LAMA3: variants seen among roughly 807,000 people sequenced by gnomAD.
The protein encoded by LAMA3 is laminin subunit alpha-3.
LAMA3 carries 281 observed loss-of-function variants against 402.0 expected under a neutral mutation model. The ratio of observed to expected loss-of-function variants is 0.70; its 90% CI spans 0.63 to 0.77. The LOEUF is 0.77. LAMA3 is among the 30% of genes least tolerant of loss of function. The pLI is 0.00. For synonymous variants in LAMA3, 1,431 were observed against 1,558.4 expected, an observed-to-expected ratio of 0.92 and a Z score of 1.93; for missense variants, 3,840 against 4,215.5, an observed-to-expected ratio of 0.91 and a Z score of 2.47.
At chr18:23,727,307 T>G (rs571372315) in intron 2 of LAMA3, among the ~76,000 whole-genome samples, 2 of 25,636 alleles carry the variant, frequency 7.8e-5, no homozygotes, top group African/African-American at 2.4e-4. Context: ...CTGTCCTTGT[T>G]TGATTGATTG....
intron 18 of LAMA3, among the ~76,000 whole-genome samples, chr18:23,819,557 C>A (rs2063242779): frequency 6.6e-6 from 1 of 152,142 alleles, no homozygotes. Context: ...TTGTTGGCAA[C>A]TATTTAGAAC....
chr18:23,928,263 G>A (rs757994772), intron 63 of LAMA3, 23 bp downstream of exon 63: 15 of 1,448,206 alleles, frequency 1.0e-5, no homozygotes, highest in Admixed American at 6.7e-5. Context: ...TCAGAACCTC[G>A]TGAAGGAGTG....
At position 23,899,374 on chromosome 18, in the gene LAMA3, C is replaced by T. The variant is rs141645580; in HGVS notation, c.5923C>T (p.Arg1975Cys). 7.7e-5 allele frequency: 125 copies of T among 1,613,886 alleles called. No homozygotes were observed. The East Asian group carries it at 2.5e-3, about 32-fold the overall frequency. The part of the protein sequence containing the change: ...DFSREWAEAQ[R>C]MMRELRNRNF... Reference sequence around the variant, plus strand: ...TTCCAGAGAGTGGGCTGAAGCCCAGCGCATGATGAGGGAACTGCGGAACAG... The same window carrying T: ...TTCCAGAGAGTGGGCTGAAGCCCAGTGCATGATGAGGGAACTGCGGAACAG... The change falls in exon 47 of 75, where the codon CGC (arginine) becomes TGC (cysteine). Residue 1975 changes from arginine (R) to cysteine (C), a missense_variant. Physicochemically the swap from Arg to Cys is radical, Grantham distance 180 (BLOSUM62 -3). Transcript: ENST00000313654.
At chr18:23,851,596 A>G (rs2063946095) in intron 32 of LAMA3, among the ~76,000 whole-genome samples, 1 of 152,110 alleles carries the variant, frequency 6.6e-6, no homozygotes, top group South Asian at 2.1e-4. Flanking sequence ...TGTTGTGGTT[A>G]TTTGCCAAGG....
intron 8 of LAMA3, among the ~76,000 whole-genome samples, chr18:23,769,239 A>G (rs1757580873): frequency 6.6e-6 from 1 of 152,184 alleles, no homozygotes; most frequent in African/African-American, 2.4e-5. Flanking sequence ...ATGGTAATAC[A>G]ATGATCTGTA....
At chr18:23,702,866 C>T (rs1426184240) in intron 1 of LAMA3, among the ~76,000 whole-genome samples, 1 of 152,216 alleles carries the variant, frequency 6.6e-6, no homozygotes, top group Non-Finnish European at 1.5e-5. Flanking sequence ...GGCTCTACCA[C>T]TTAGACCAAT....
intron 2 of LAMA3, among the ~76,000 whole-genome samples, chr18:23,720,072 T>G (rs568841694): frequency 3.9e-5 from 6 of 152,348 alleles, no homozygotes; most frequent in Admixed American, 3.9e-4. Flanking sequence ...AATAGTTGTT[T>G]AATAAATATT....
At chr18:23,822,476 T>A in intron 20 of LAMA3, 101 bp downstream of exon 20, 1 of 1,305,212 alleles carries the variant, frequency 7.7e-7, no homozygotes, top group Non-Finnish European at 1.1e-6. Flanking sequence ...TTAGAAAATG[T>A]CAAGCCTGGC....
chr18:23,921,689 C>G (rs2081845622), intron 62 of LAMA3, 104 bp downstream of exon 62: 2 of 1,152,454 alleles, frequency 1.7e-6, no homozygotes, highest in Non-Finnish European at 1.3e-6. Context: ...AACAAACAAA[C>G]ACAAAAAGTT....
chr18:23,713,966 A>G lies in LAMA3; in HGVS notation c.341A>G (p.His114Arg). 6.2e-7 allele frequency: 1 copy of G among 1,613,820 alleles called. No homozygotes were observed. Among genetic ancestry groups the G allele is most frequent in the Non-Finnish European group, 8.5e-7 (1 of 1,179,950 alleles). The change falls in exon 2 of 75, where the codon CAT (histidine) becomes CGT (arginine). Residue 114 changes from histidine to arginine, a missense_variant. By Grantham distance (29) the His-to-Arg change is conservative. Around this residue, in one of 3 missense-constraint regions of LAMA3, gnomAD observed 2,109 missense variants for 2,376.0 expected, o/e 0.89. Coordinates refer to ENST00000313654, the MANE Select transcript of LAMA3 (RefSeq NM_198129.4). The part of the protein sequence containing the change: ...YCNSEDPRKA[H>R]PVTNAIDGSE... ...AATTCTGAAGACCCCAGGAAAGCAC[A>G]TCCTGTCACCAATGCCATCGATGGA...
intron 2 of LAMA3, among the ~76,000 whole-genome samples, chr18:23,727,515 G>A (rs901157720): frequency 3.3e-5 from 5 of 151,926 alleles, no homozygotes; most frequent in African/African-American, 7.3e-5. Flanking sequence ...TACTACAGAT[G>A]GGGTTTTGCC....
intron 23 of LAMA3, among the ~76,000 whole-genome samples, chr18:23,831,720 T>C (rs1049080101): frequency 1.3e-5 from 2 of 152,224 alleles, no homozygotes; most frequent in Non-Finnish European, 2.9e-5. Flanking sequence ...TGGCATAGCA[T>C]AGGTATTCAG....
chr18:23,837,920 T>C (rs2063619562), intron 25 of LAMA3, among the ~76,000 whole-genome samples: 1 of 152,192 alleles, frequency 6.6e-6, no homozygotes, highest in Non-Finnish European at 1.5e-5. Flanking sequence ...ATTCAGTTTT[T>C]AAAAAATTAT....
chr18:23,902,772 C>T (rs2081116339), intron 48 of LAMA3, among the ~76,000 whole-genome samples: 2 of 152,136 alleles, frequency 1.3e-5, no homozygotes, highest in African/African-American at 4.8e-5. Flanking sequence ...CTGTAGAAAC[C>T]TTCTTCAGCA....
rs2082078859 is a variant in LAMA3 at position 23,928,690 on chromosome 18, T to C, written c.8361T>C (p.Pro2787=). ...QLSFTDLGLP[P]TDHLQASFGF... is the part of the protein sequence containing the mutation. The stretch of plus-strand genomic sequence containing the variant: ...GTTTCACTGATTTGGGCTTACCACC[T>C]ACTGACCACCTCCAGGCCTCATTTG... The change falls in exon 64 of 75, where the codon CCT becomes CCC. Residue 2787 remains proline, a synonymous_variant. Coordinates refer to ENST00000313654, the MANE Select transcript of LAMA3 (RefSeq NM_198129.4). The C allele has an allele frequency of 1.9e-6, 3 of 1,613,708 alleles. No individual in the cohort carries two copies. The highest frequency in any genetic ancestry group is 2.5e-6 in the Non-Finnish European group (3 of 1,179,580).
At chr18:23,939,188 T>G (rs765002886) in intron 67 of LAMA3, 35 bp from the exon 68 acceptor site, 2 of 1,606,180 alleles carry the variant, frequency 1.2e-6, no homozygotes, top group East Asian at 4.5e-5. Flanking sequence ...CTTCACTCTT[T>G]CCCCTGATAA....
chr18:23,866,245 T>G (rs933078027), intron 36 of LAMA3, among the ~76,000 whole-genome samples: 1 of 152,348 alleles, frequency 6.6e-6, no homozygotes, highest in Non-Finnish European at 1.5e-5. Flanking sequence ...ACCCTAAACA[T>G]AGGGTAGGGT....
chr18:23,813,836 C>T (rs967652386), intron 14 of LAMA3, among the ~76,000 whole-genome samples: 3 of 152,140 alleles, frequency 2.0e-5, no homozygotes, highest in Non-Finnish European at 4.4e-5. Flanking sequence ...GCTACCACAC[C>T]CGGCCTATTC....
intron 42 of LAMA3, among the ~76,000 whole-genome samples, chr18:23,893,568 G>A (rs546338373): frequency 6.6e-6 from 1 of 151,984 alleles, no homozygotes; most frequent in Non-Finnish European, 1.5e-5. Flanking sequence ...GGGTGAGAGA[G>A]TGAGACTCCC....
Sources: gnomAD v4.1 joint callset for allele counts (sites outside exome capture counted in the v4.1 genomes callset) on GRCh38, gnomAD v4.1.1 for gene constraint, gnomAD v4.1.1 regional missense constraint, MANE v1.5 for transcripts, NCBI Gene and HGNC (gene_info 2026-07-23, HGNC 2026-07-21) for gene names.